The following PTPRD variants were observed in gnomAD, a reference collection of about 807,000 sequenced individuals.
The protein encoded by PTPRD is protein tyrosine phosphatase receptor type D.
In PTPRD, 34 loss-of-function variants were observed where a neutral mutation model predicts 214.5. The observed-to-expected ratio is 0.16, with a 90% CI of 0.12 to 0.21. The LOEUF is 0.21. PTPRD is among the 10% of genes least tolerant of loss of function. The probability of loss-of-function intolerance (pLI) is 1.00; values close to 1 mark genes in which losing one functional copy is unlikely to be tolerated. For synonymous variants in PTPRD, 1,128 were observed against 845.7 expected (o/e 1.33, Z -5.79); for missense variants, 2,545 against 2,398.7 (o/e 1.06, Z -1.27).
chr9:8,559,355 CAT>C (rs1262789530), intron 14 of PTPRD, among the ~76,000 whole-genome samples: 1 of 152,182 alleles, frequency 6.6e-6, no homozygotes, highest in Non-Finnish European at 1.5e-5. Context: ...CGAAATATCA[CAT>C]ATACCTCTCA....
intron 11 of PTPRD, among the ~76,000 whole-genome samples, chr9:8,857,208 C>T (rs58882359): frequency 0.057 from 8,628 of 152,148 alleles, 301 homozygotes; most frequent in Non-Finnish European, 0.075. Flanking sequence ...AAGAAATCGC[C>T]CCCTCACCGT....
chr9:10,342,901 T>C (rs2096970177), intron 2 of PTPRD, among the ~76,000 whole-genome samples: 2 of 151,384 alleles, frequency 1.3e-5, no homozygotes, highest in Non-Finnish European at 2.9e-5. Flanking sequence ...AAAGGTTGGA[T>C]TTCTGAAAAT....
At chr9:9,084,738 T>G (rs1243914874) in intron 10 of PTPRD, among the ~76,000 whole-genome samples, 1 of 151,996 alleles carries the variant, frequency 6.6e-6, no homozygotes, top group Non-Finnish European at 1.5e-5. Context: ...GTGGGCAAGG[T>G]GCTTAGAGAA....
intron 11 of PTPRD, among the ~76,000 whole-genome samples, chr9:8,757,750 G>T (rs10123721): frequency 0.049 from 7,465 of 151,156 alleles, 458 homozygotes; most frequent in African/African-American, 0.15. Flanking sequence ...GAGCTGTCAT[G>T]TGGATATTGG....
intron 8 of PTPRD, among the ~76,000 whole-genome samples, chr9:9,555,526 A>C (rs2081309382): frequency 6.6e-6 from 1 of 152,106 alleles, no homozygotes; most frequent in Admixed American, 6.6e-5. Context: ...ACATAATTAC[A>C]TGACACTTCA....
intron 11 of PTPRD, among the ~76,000 whole-genome samples, chr9:8,851,177 T>C (rs2097802306): frequency 6.7e-6 from 1 of 149,650 alleles, no homozygotes; most frequent in South Asian, 2.1e-4. Flanking sequence ...TCTAAGCAGC[T>C]TTCTAAGATG....
At chr9:9,760,052 T>G (rs1227809587) in intron 6 of PTPRD, among the ~76,000 whole-genome samples, 1 of 152,164 alleles carries the variant, frequency 6.6e-6, no homozygotes, top group East Asian at 1.9e-4. Flanking sequence ...TCACTAGACA[T>G]TCAAGATAAT....
chr9:10,144,510 A>G (rs1156544015), intron 3 of PTPRD, among the ~76,000 whole-genome samples: 1 of 152,028 alleles, frequency 6.6e-6, no homozygotes, highest in Non-Finnish European at 1.5e-5. Context: ...ACATTGTCTA[A>G]AAATAGACCT....
intron 5 of PTPRD, among the ~76,000 whole-genome samples, chr9:9,925,822 C>T (rs1161246067): frequency 6.6e-6 from 1 of 151,876 alleles, no homozygotes; most frequent in African/African-American, 2.4e-5. Context: ...ATATACTAAT[C>T]TCCCTTTGTT....
At chr9:8,356,947 T>C (rs1041297614) in intron 39 of PTPRD, among the ~76,000 whole-genome samples, 24 of 152,206 alleles carry the variant, frequency 1.6e-4, no homozygotes, top group African/African-American at 5.3e-4. Flanking sequence ...CACTAAAATA[T>C]ATAGATGATG....
chr9:10,035,467 T>C (rs144750063), intron 3 of PTPRD, among the ~76,000 whole-genome samples: 17 of 152,302 alleles, frequency 1.1e-4, no homozygotes, highest in African/African-American at 3.8e-4. Flanking sequence ...TTTACTTCTG[T>C]TGCAATTGCT....
intron 2 of PTPRD, among the ~76,000 whole-genome samples, chr9:10,354,700 T>C (rs182791657): frequency 6.6e-6 from 1 of 152,340 alleles, no homozygotes; most frequent in Admixed American, 6.5e-5. Flanking sequence ...AGGACACTGA[T>C]GAAACATGAG....
At chr9:10,057,186 G>T (rs2097668443) in intron 3 of PTPRD, among the ~76,000 whole-genome samples, 1 of 152,098 alleles carries the variant, frequency 6.6e-6, no homozygotes, top group African/African-American at 2.4e-5. Flanking sequence ...AGTTCTGGAA[G>T]GCTGTACAAT....
intron 10 of PTPRD, among the ~76,000 whole-genome samples, chr9:9,071,500 T>C (rs760681952): frequency 6.6e-6 from 1 of 152,072 alleles, no homozygotes; most frequent in East Asian, 1.9e-4. Context: ...AGCAGTCAGG[T>C]TGAGGAAGCC....
At chr9:9,987,298 T>C (rs571403772) in intron 4 of PTPRD, among the ~76,000 whole-genome samples, 39 of 152,300 alleles carry the variant, frequency 2.6e-4, no homozygotes, top group African/African-American at 9.1e-4. Flanking sequence ...TGTGATGCTG[T>C]GTTGTCCATT....
chr9:10,049,442 A>AAAG (rs1555515349), intron 3 of PTPRD, among the ~76,000 whole-genome samples: 4 of 82,268 alleles, frequency 4.9e-5, no homozygotes, highest in South Asian at 3.3e-4. Flanking sequence ...AAAGAAAAGA[A>AAAG]AAAAAAAAAC....
intron 7 of PTPRD, among the ~76,000 whole-genome samples, chr9:9,650,544 G>A (rs778164904): frequency 3.9e-5 from 6 of 152,074 alleles, no homozygotes; most frequent in African/African-American, 7.2e-5. Context: ...TCTTTGGCAG[G>A]TTTTGGTATC....
chr9:9,759,522 T>C (rs1195705718), intron 6 of PTPRD, among the ~76,000 whole-genome samples: 5 of 151,382 alleles, frequency 3.3e-5, no homozygotes, highest in Non-Finnish European at 7.4e-5. Flanking sequence ...ATTCAGAAAA[T>C]GATGCAAACA....
chr9:10,084,534 G>A (rs894374488), intron 3 of PTPRD, among the ~76,000 whole-genome samples: 18 of 151,932 alleles, frequency 1.2e-4, no homozygotes, highest in Non-Finnish European at 2.9e-5. Flanking sequence ...TTCTGCATGA[G>A]TAGCTATGGC....
Sources: allele counts gnomAD v4.1 joint callset (sites outside exome capture counted in the v4.1 genomes callset), GRCh38; gene constraint gnomAD v4.1.1; transcripts MANE v1.5; gene names NCBI Gene and HGNC (gene_info 2026-07-23, HGNC 2026-07-21).